Variants in NTRK3 observed in about 807,000 individuals in gnomAD.
NTRK3 encodes the protein neurotrophic receptor tyrosine kinase 3.
NTRK3 carries 24 observed loss-of-function variants against 91.7 expected under a neutral mutation model. The observed-to-expected ratio is 0.26, with a 90% CI of 0.19 to 0.37. The LOEUF (loss-of-function observed/expected upper bound fraction) is 0.37. NTRK3 is among the 10% of genes least tolerant of loss of function. The probability of loss-of-function intolerance (pLI) is 1.00; values close to 1 mark genes in which losing one functional copy is unlikely to be tolerated. For missense variants in NTRK3, 880 were observed against 1,068.9 expected (o/e 0.82, Z 2.46); for synonymous variants, 483 against 404.0 (o/e 1.20, Z -2.34).
intron 17 of NTRK3, among the ~76,000 whole-genome samples, chr15:87,924,594 C>A (rs2068135341): frequency 6.6e-6 from 1 of 152,180 alleles, no homozygotes; most frequent in African/African-American, 2.4e-5. Context: ...TCTGAACATT[C>A]TCCCAGGATA....
At chr15:88,228,871 C>T (rs1355673081) in intron 3 of NTRK3, among the ~76,000 whole-genome samples, 1 of 152,156 alleles carries the variant, frequency 6.6e-6, no homozygotes, top group Non-Finnish European at 1.5e-5. Flanking sequence ...GCCTCCCTGG[C>T]AACAAGGGAT....
intron 13 of NTRK3, among the ~76,000 whole-genome samples, chr15:88,084,071 T>A (rs1252952439): frequency 6.6e-6 from 1 of 151,974 alleles, no homozygotes; most frequent in Admixed American, 6.5e-5. Context: ...TAAGAGCCAT[T>A]TCATGTCCAA....
chr15:87,865,122 G>T (rs2141383874), exon 19 of NTRK3: 1 of 212,796 alleles, frequency 4.7e-6, no homozygotes, highest in African/African-American at 2.3e-5. Flanking sequence ...AAATATTTGT[G>T]AATTTTCTAG....
At chr15:88,051,122 A>C (rs909906254) in intron 13 of NTRK3, among the ~76,000 whole-genome samples, 12 of 152,200 alleles carry the variant, frequency 7.9e-5, no homozygotes, top group Non-Finnish European at 1.5e-4. Flanking sequence ...GAGTAAAAGT[A>C]CACGTCTGCT....
intron 13 of NTRK3, among the ~76,000 whole-genome samples, chr15:88,090,836 C>T (rs549914446): frequency 5.9e-5 from 9 of 152,266 alleles, no homozygotes; most frequent in African/African-American, 2.2e-4. Flanking sequence ...AAGCAACTGG[C>T]CTTCAGCCCT....
intron 3 of NTRK3, among the ~76,000 whole-genome samples, chr15:88,222,579 G>A (rs988445975): frequency 6.6e-6 from 1 of 152,214 alleles, no homozygotes; most frequent in Admixed American, 6.5e-5. Context: ...TTGTGAAACA[G>A]CCTGTGATTT....
chr15:87,988,669 T>C (rs1409035649), intron 14 of NTRK3, among the ~76,000 whole-genome samples: 2 of 152,110 alleles, frequency 1.3e-5, no homozygotes, highest in African/African-American at 2.4e-5. Flanking sequence ...TTGATTTTTG[T>C]TTATTGATCC....
At chr15:87,875,961 GA>G (rs2064935519) in exon 19 of NTRK3, 1 of 232,036 alleles carries the variant, frequency 4.3e-6, no homozygotes, top group African/African-American at 2.2e-5. Context: ...ATAACATGGG[GA>G]CCTGTTTCCT....
exon 2 of NTRK3, chr15:88,256,412 G>T (rs2054062062): frequency 5.4e-6 from 3 of 558,794 alleles, no homozygotes; most frequent in Non-Finnish European, 9.3e-6. Context: ...TGCCGGGCAT[G>T]GTGGCCGGCT....
intron 17 of NTRK3, among the ~76,000 whole-genome samples, chr15:87,924,540 T>C (rs2068131371): frequency 6.6e-6 from 1 of 152,192 alleles, no homozygotes; most frequent in African/African-American, 2.4e-5. Context: ...TACCAGAACC[T>C]GAAGTGGGTC....
chr15:88,021,135 A>T (rs1004224818), intron 14 of NTRK3, among the ~76,000 whole-genome samples: 1 of 152,212 alleles, frequency 6.6e-6, no homozygotes, highest in Non-Finnish European at 1.5e-5. Context: ...ACAGGCAAAG[A>T]TCCCCTGATC....
At chr15:87,972,893 C>T (rs184546946) in intron 14 of NTRK3, among the ~76,000 whole-genome samples, 1 of 152,284 alleles carries the variant, frequency 6.6e-6, no homozygotes, top group Non-Finnish European at 1.5e-5. Context: ...GCCTTTGATA[C>T]CAAATCTGAG....
intron 3 of NTRK3, among the ~76,000 whole-genome samples, chr15:88,227,835 C>T (rs959644506): frequency 1.2e-4 from 19 of 152,106 alleles, no homozygotes; most frequent in African/African-American, 4.1e-4. Flanking sequence ...GCATGCCCCT[C>T]GCAGCAGTAC....
At chr15:88,059,697 G>C (rs2046034928) in intron 13 of NTRK3, among the ~76,000 whole-genome samples, 1 of 152,172 alleles carries the variant, frequency 6.6e-6, no homozygotes, top group East Asian at 1.9e-4. Context: ...GGGGGATAAA[G>C]AGGACACTAG....
rs1438141962 is a variant in NTRK3, at chr15:87,912,927, AAAAAATATATATAT to A, written c.2133+16250_2133+16263del. 8.0e-3 allele frequency among the ~76,000 whole-genome samples: 770 copies of A among 96,270 alleles called. 26 individuals carry two copies. Among genetic ancestry groups the A allele is most frequent in the Middle Eastern group, 0.024 (4 of 166 alleles). 63.2% of individuals were successfully genotyped at this position (96,270 alleles called of 152,430 possible). A position where few individuals can be genotyped will look rare whatever the true frequency, so the allele number is the denominator to read the frequency against. ...GCTGTTCAACTTTTCAAAAAGTAAA[AAAAAATATATATAT>A]ATATATATATATATATATATATATA... On this transcript the variant is annotated intron_variant, in intron 17 of 18. Coordinates refer to ENST00000394480, the Ensembl canonical transcript of NTRK3.
chr15:88,136,839 C>T (rs771905042), intron 7 of NTRK3, among the ~76,000 whole-genome samples: 7 of 152,170 alleles, frequency 4.6e-5, no homozygotes, highest in Non-Finnish European at 1.0e-4. Flanking sequence ...CACATTGCAG[C>T]GGCAGGTTGC....
chr15:87,970,354 C>A (rs1263934507), intron 14 of NTRK3, among the ~76,000 whole-genome samples: 1 of 152,192 alleles, frequency 6.6e-6, no homozygotes, highest in Non-Finnish European at 1.5e-5. Flanking sequence ...CCATCAGCAA[C>A]CAGAATTTTT....
chr15:87,933,288 A>G, intron 15 of NTRK3, 104 bp from the exon 16 acceptor site: 1 of 1,083,478 alleles, frequency 9.2e-7, no homozygotes, highest in Non-Finnish European at 1.4e-6. Context: ...GGTTACCAAT[A>G]AATATGAATC....
exon 12 of NTRK3, chr15:88,127,163 C>G (rs2053378337): frequency 6.2e-7 from 1 of 1,613,598 alleles, no homozygotes; most frequent in Admixed American, 1.7e-5. Context: ...GTGACTCACC[C>G]CAAAAGTGTC....
Sources: gnomAD v4.1 joint callset for allele counts (sites outside exome capture counted in the v4.1 genomes callset) on GRCh38, gnomAD v4.1.1 for gene constraint, MANE v1.5 for transcripts, NCBI Gene and HGNC (gene_info 2026-07-23, HGNC 2026-07-21) for gene names.